Variants in RAB27B observed in about 807,000 individuals in gnomAD.
The protein encoded by RAB27B is RAB27B, member RAS oncogene family.
Under a neutral mutation model 24.6 loss-of-function variants are expected in RAB27B, and 15 were observed. The observed-to-expected ratio is 0.61, with a 90% confidence interval of 0.41 to 0.94. The LOEUF (loss-of-function observed/expected upper bound fraction) is 0.94, where lower values mean the gene tolerates loss of function less well. RAB27B is among the 40% of genes least tolerant of loss of function. RAB27B has a pLI of 0.00. For synonymous variants in RAB27B, 105 were observed against 92.5 expected (o/e 1.14, Z -0.78); for missense variants, 261 against 266.8 (o/e 0.98, Z 0.15).
chr18:54,869,531 A>G (rs966186071), intron 1 of RAB27B, among the ~76,000 whole-genome samples: 5 of 152,218 alleles, frequency 3.3e-5, no homozygotes, highest in Non-Finnish European at 7.3e-5. Context: ...TAGTGGGTGT[A>G]TAGAAACTGG....
At chr18:54,844,859 T>C (rs1363625933) in intron 1 of RAB27B, among the ~76,000 whole-genome samples, 2 of 152,148 alleles carry the variant, frequency 1.3e-5, no homozygotes, top group Non-Finnish European at 2.9e-5. Flanking sequence ...TTTTCGCTGG[T>C]TGGGTGTCTT....
chr18:54,889,006 T>C (rs1342105387), intron 5 of RAB27B, among the ~76,000 whole-genome samples: 1 of 152,142 alleles, frequency 6.6e-6, no homozygotes, highest in African/African-American at 2.4e-5. Context: ...GTCAATTTCC[T>C]TGCCCATAAA....
At chr18:54,783,306 A>G (rs548181266) in intron 2 of RAB27B, among the ~76,000 whole-genome samples, 9 of 152,192 alleles carry the variant, frequency 5.9e-5, no homozygotes, top group African/African-American at 2.2e-4. Flanking sequence ...ACACACAAAG[A>G]TGATGATTAT....
intron 1 of RAB27B, among the ~76,000 whole-genome samples, chr18:54,830,680 C>T (rs1231030014): frequency 1.3e-5 from 2 of 152,042 alleles, no homozygotes; most frequent in East Asian, 1.9e-4. Flanking sequence ...CAAGCAGCAA[C>T]ATCACTATGC....
chr18:54,820,118 C>A (rs1316772204), intron 2 of RAB27B, among the ~76,000 whole-genome samples: 1 of 152,084 alleles, frequency 6.6e-6, no homozygotes, highest in Non-Finnish European at 1.5e-5. Flanking sequence ...GATTTATAAT[C>A]CTTTGGGTAT....
At chr18:54,824,980 A>C (rs1238556761), upstream of RAB27B, among the ~76,000 whole-genome samples, 3 of 152,038 alleles carry the variant, frequency 2.0e-5, no homozygotes, top group Non-Finnish European at 4.4e-5. Flanking sequence ...TTGATTTATA[A>C]GCTTGTTTGG....
rs1013711062 is a variant in RAB27B, at chr18:54,771,484, C to G, written c.-20+53343C>G. 6.6e-5 allele frequency among the ~76,000 whole-genome samples: 10 copies of G among 151,982 alleles called. No homozygotes were observed. In the South Asian group the frequency reaches 1.0e-3, roughly 16 times the overall value. ...CAACGAGCCCAACACTGGACACATT[C>G]ATTTTGAATTGCCTAATAATAGATG... is the stretch of plus-strand genomic sequence containing the variant. On this transcript the variant is annotated intron_variant, in intron 2 of 4. Transcript: ENST00000586570.
chr18:54,879,300 T>G (rs1163474891), intron 2 of RAB27B, 69 bp from the exon 3 acceptor site: 1 of 1,167,524 alleles, frequency 8.6e-7, no homozygotes, highest in Admixed American at 1.7e-5. Context: ...ACATGCTGAG[T>G]GAACCCAAAG....
At chr18:54,813,777 A>G (rs1412067207) in intron 2 of RAB27B, among the ~76,000 whole-genome samples, 1 of 152,192 alleles carries the variant, frequency 6.6e-6, no homozygotes, top group Non-Finnish European at 1.5e-5. Flanking sequence ...AATTCACCTC[A>G]AATCAATTTT....
chr18:54,824,412 A>G (rs1910407730), upstream of RAB27B, among the ~76,000 whole-genome samples: 1 of 152,216 alleles, frequency 6.6e-6, no homozygotes, highest in Admixed American at 6.5e-5. Context: ...GCATCATACA[A>G]TACAAGTTTA....
intron 2 of RAB27B, among the ~76,000 whole-genome samples, chr18:54,814,277 T>A (rs1180535167): frequency 2.0e-5 from 3 of 152,222 alleles, no homozygotes; most frequent in Non-Finnish European, 2.9e-5. Flanking sequence ...CTGGGAAAGC[T>A]GTGAAAGATG....
intron 2 of RAB27B, among the ~76,000 whole-genome samples, chr18:54,734,365 A>C (rs938311377): frequency 6.6e-6 from 1 of 152,108 alleles, no homozygotes. Flanking sequence ...CTCTTCTATG[A>C]GACTCTGGAA....
chr18:54,782,253 T>C (rs534510321), intron 2 of RAB27B, among the ~76,000 whole-genome samples: 13 of 152,340 alleles, frequency 8.5e-5, no homozygotes, highest in African/African-American at 2.9e-4. Flanking sequence ...CAACCTGATA[T>C]ATCATTTTCG....
At chr18:54,843,272 T>C (rs2145204314) in intron 1 of RAB27B, among the ~76,000 whole-genome samples, 1 of 152,280 alleles carries the variant, frequency 6.6e-6, no homozygotes, top group Admixed American at 6.5e-5. Flanking sequence ...CTACAATAAA[T>C]TACAATAAAT....
intron 2 of RAB27B, among the ~76,000 whole-genome samples, chr18:54,822,941 T>C (rs1241688544): frequency 4.6e-5 from 7 of 152,134 alleles, no homozygotes; most frequent in Admixed American, 4.6e-4. Flanking sequence ...TTAGACAAAA[T>C]TACAATAATC....
intron 2 of RAB27B, among the ~76,000 whole-genome samples, chr18:54,796,215 G>A (rs1241350992): frequency 6.6e-6 from 1 of 152,116 alleles, no homozygotes; most frequent in Non-Finnish European, 1.5e-5. Flanking sequence ...AGTGCTTTTG[G>A]GCTCCAGCCC....
At chr18:54,826,217 T>C (rs2145175174), upstream of RAB27B, among the ~76,000 whole-genome samples, 1 of 152,356 alleles carries the variant, frequency 6.6e-6, no homozygotes, top group Non-Finnish European at 1.5e-5. Context: ...CCATATTGAT[T>C]GAATTAGACA....
chr18:54,748,486 C>G (rs931910211), intron 2 of RAB27B, among the ~76,000 whole-genome samples: 24 of 152,274 alleles, frequency 1.6e-4, no homozygotes, highest in African/African-American at 5.3e-4. Context: ...GTGTGGTCCT[C>G]TTGAGTGTGA....
intron 1 of RAB27B, among the ~76,000 whole-genome samples, chr18:54,835,266 C>T (rs1365390001): frequency 4.0e-5 from 6 of 151,884 alleles, no homozygotes; most frequent in Non-Finnish European, 8.8e-5. Flanking sequence ...GACTCAGGTG[C>T]CTCCTTGGAG....
Sources: gnomAD v4.1 joint callset for allele counts (sites outside exome capture counted in the v4.1 genomes callset) on GRCh38, gnomAD v4.1.1 for gene constraint, MANE v1.5 for transcripts, NCBI Gene and HGNC (gene_info 2026-07-23, HGNC 2026-07-21) for gene names.